PBX3: variants seen among roughly 807,000 people sequenced by gnomAD.
The protein encoded by PBX3 is pre-B-cell leukemia transcription factor 3.
Under a neutral mutation model 48.5 loss-of-function variants are expected in PBX3, and 14 were observed. That is an observed-to-expected ratio of 0.29 (90% CI 0.19 to 0.45). The LOEUF (loss-of-function observed/expected upper bound fraction) is 0.45, where lower values mean the gene tolerates loss of function less well. Ranked by LOEUF, PBX3 falls within the 20% of genes least tolerant of loss-of-function variation. The pLI is 1.00. For missense variants in PBX3, 386 were observed against 546.7 expected (o/e 0.71, Z 2.93); for synonymous variants, 210 against 200.3 (o/e 1.05, Z -0.41).
In PBX3 at chr9:125,811,421, C is replaced by T. The variant is rs1167518216; in HGVS notation, c.274+62798C>T. Among the ~76,000 whole-genome samples the T allele has an allele frequency of 2.0e-5, 3 of 152,288 alleles. No homozygotes were observed. In the East Asian group the frequency reaches 5.8e-4, roughly 29 times the overall value. ...CAGGACCAGGTGGAGATAATTGAATCATGGGGGTGGTTCCCCCATCCTGTT... is the reference window on the plus strand; with the variant it reads ...CAGGACCAGGTGGAGATAATTGAATTATGGGGGTGGTTCCCCCATCCTGTT... On this transcript the variant is annotated intron_variant, in intron 2 of 8. Coordinates refer to ENST00000373489, the MANE Select transcript of PBX3 (RefSeq NM_006195.6).
Position 125,793,366 on chromosome 9 carries a change from A to AAAAT in PBX3, c.274+44744_274+44745insAATA, listed in dbSNP as rs59271982. On this transcript the variant is annotated intron_variant, in intron 2 of 8. Coordinates refer to ENST00000373489, the MANE Select transcript of PBX3 (RefSeq NM_006195.6). ...GACTCCATTTGGGGGGGAAAAAAAA[A>AAAAT]ATATATATATATATATATATATATA... Among the ~76,000 whole-genome samples the AAAAT allele has an allele frequency of 3.8e-3, 390 of 101,934 alleles. 1 individual carries two copies. The highest frequency in any genetic ancestry group is 5.4e-3 in the Non-Finnish European group (293 of 54,680). 66.9% of individuals were successfully genotyped at this position (101,934 alleles called of 152,430 possible).
At chr9:125,848,205 C>G (rs1839478977) in intron 2 of PBX3, among the ~76,000 whole-genome samples, 1 of 152,076 alleles carries the variant, frequency 6.6e-6, no homozygotes, top group Non-Finnish European at 1.5e-5. Flanking sequence ...CAAATATCCA[C>G]ACTATCTCAT....
At chr9:125,915,219 CTA>C (rs1564171362) in intron 2 of PBX3, among the ~76,000 whole-genome samples, 1 of 152,136 alleles carries the variant, frequency 6.6e-6, no homozygotes, top group Non-Finnish European at 1.5e-5. Context: ...TGTGAATTAA[CTA>C]TTTTATGGGA....
chr9:125,934,699 A>AC (rs1554730682), intron 4 of PBX3, among the ~76,000 whole-genome samples: 1 of 149,066 alleles, frequency 6.7e-6, no homozygotes, highest in African/African-American at 2.5e-5. Context: ...TTCCCAATGC[A>AC]TTTTTTTTTT....
chr9:125,945,955 C>G (rs1842056456), intron 5 of PBX3, among the ~76,000 whole-genome samples: 1 of 152,158 alleles, frequency 6.6e-6, no homozygotes, highest in South Asian at 2.1e-4. Context: ...TTCCCTGATT[C>G]CATTGCCAAT....
At chr9:125,753,369 T>C (rs975065700) in intron 2 of PBX3, among the ~76,000 whole-genome samples, 2 of 151,994 alleles carry the variant, frequency 1.3e-5, no homozygotes, top group African/African-American at 4.8e-5. Flanking sequence ...AAGAAAGGGA[T>C]TTTTCTACTT....
chr9:125,827,819 T>A (rs1838850874), intron 2 of PBX3, among the ~76,000 whole-genome samples: 2 of 152,190 alleles, frequency 1.3e-5, no homozygotes, highest in African/African-American at 4.8e-5. Flanking sequence ...TCCTCTGAGG[T>A]ATATAACTAG....
At chr9:125,954,773 G>A (rs1421296059) in intron 5 of PBX3, among the ~76,000 whole-genome samples, 5 of 152,106 alleles carry the variant, frequency 3.3e-5, no homozygotes, top group Admixed American at 6.5e-5. Context: ...TCCTGACCTC[G>A]TGATCCGCCC....
At chr9:125,911,099 G>C (rs930361626) in intron 2 of PBX3, among the ~76,000 whole-genome samples, 19 of 152,016 alleles carry the variant, frequency 1.2e-4, no homozygotes, top group African/African-American at 4.3e-4. Flanking sequence ...GATGCCTTGA[G>C]GGTTTTTCAG....
chr9:125,769,831 G>C (rs1000285360), intron 2 of PBX3, among the ~76,000 whole-genome samples: 4 of 152,192 alleles, frequency 2.6e-5, no homozygotes, highest in Non-Finnish European at 5.9e-5. Flanking sequence ...GTAGGACGAG[G>C]AGATTTCTAA....
At chr9:125,916,330 A>T (rs1052598706) in intron 3 of PBX3, among the ~76,000 whole-genome samples, 1 of 152,160 alleles carries the variant, frequency 6.6e-6, no homozygotes, top group Non-Finnish European at 1.5e-5. Flanking sequence ...TTTCCCTCCT[A>T]TGCTGTGAGC....
intron 2 of PBX3, among the ~76,000 whole-genome samples, chr9:125,754,156 C>T (rs762873032): frequency 1.3e-5 from 2 of 152,008 alleles, no homozygotes; most frequent in Non-Finnish European, 2.9e-5. Flanking sequence ...TTTCCCTATT[C>T]GTGTTTGTGA....
rs1437313624 is a variant in PBX3 at position 125,747,536 on chromosome 9, C to T, written c.83C>T (p.Pro28Leu). ...TCGGTGCAGGGGGGCATGGCCCTGC[C>T]GCCTCCCCCGCACGGCCACGAAGGG... ...GHSVQGGMAL[P>L]PPPHGHEGAD... The change falls in exon 1 of 9, where the codon CCG becomes CTG. Residue 28 changes from proline to leucine, a missense_variant. This residue lies in a region of PBX3 where 116 missense variants were observed against 98.2 expected (regional missense o/e 1.18). Transcript: ENST00000373489. 18 of 1,603,750 alleles carry T rather than the reference C, an allele frequency of 1.1e-5. No homozygotes were observed. Among genetic ancestry groups the T allele is most frequent in the Non-Finnish European group, 1.5e-5 (18 of 1,175,472 alleles).
intron 2 of PBX3, among the ~76,000 whole-genome samples, chr9:125,836,906 T>TA (rs1452950120): frequency 9.9e-5 from 15 of 152,202 alleles, no homozygotes; most frequent in Non-Finnish European, 2.2e-4. Flanking sequence ...AGAACTAGTA[T>TA]AGAGACTCTT....
intron 2 of PBX3, among the ~76,000 whole-genome samples, chr9:125,895,253 A>G (rs760751100): frequency 2.6e-5 from 4 of 152,100 alleles, no homozygotes; most frequent in Non-Finnish European, 5.9e-5. Context: ...TATGTGTGAT[A>G]AGACATACCT....
intron 2 of PBX3, among the ~76,000 whole-genome samples, chr9:125,815,978 TTCTC>T (rs10548529): frequency 1.3e-5 from 2 of 152,076 alleles, no homozygotes; most frequent in East Asian, 3.9e-4. Flanking sequence ...CCCCTACTCT[TTCTC>T]TCTGCCTCCC....
chr9:125,878,964 T>C (rs1476404047), intron 2 of PBX3, among the ~76,000 whole-genome samples: 3 of 152,154 alleles, frequency 2.0e-5, no homozygotes, highest in African/African-American at 4.8e-5. Context: ...ATTTTTTTTT[T>C]CCCATGGAAG....
intron 2 of PBX3, among the ~76,000 whole-genome samples, chr9:125,894,392 C>A (rs1024729267): frequency 3.9e-5 from 6 of 152,010 alleles, no homozygotes; most frequent in African/African-American, 1.4e-4. Context: ...TCTAGGATAA[C>A]CTTTTAAAAT....
intron 2 of PBX3, among the ~76,000 whole-genome samples, chr9:125,772,514 A>G (rs1463720492): frequency 6.6e-6 from 1 of 152,212 alleles, no homozygotes; most frequent in African/African-American, 2.4e-5. Flanking sequence ...ATGCAGAATA[A>G]TACTGATTTT....
Sources: gnomAD v4.1 joint callset for allele counts (sites outside exome capture counted in the v4.1 genomes callset) on GRCh38, gnomAD v4.1.1 for gene constraint, gnomAD v4.1.1 regional missense constraint, MANE v1.5 for transcripts, NCBI Gene and HGNC (gene_info 2026-07-23, HGNC 2026-07-21) for gene names.